Variants in CREB5 observed in about 807,000 individuals in gnomAD.
CREB5 encodes the protein cyclic AMP-responsive element-binding protein 5.
In CREB5, 19 loss-of-function variants were observed where a neutral mutation model predicts 57.1. The ratio of observed to expected loss-of-function variants is 0.33; its 90% confidence interval spans 0.23 to 0.49. CREB5 has a LOEUF of 0.49. Among genes scored for constraint, CREB5 ranks in the 20% least tolerant of loss-of-function variants. The pLI, the probability that CREB5 is intolerant of heterozygous loss-of-function variation, is 0.99. For synonymous variants in CREB5, 238 were observed against 238.3 expected, an observed-to-expected ratio of 1.00 and a Z score of 0.01; for missense variants, 579 against 671.6, an observed-to-expected ratio of 0.86 and a Z score of 1.52.
intron 1 of CREB5, among the ~76,000 whole-genome samples, chr7:28,300,954 T>C (rs1785089097): frequency 6.6e-6 from 1 of 152,126 alleles, no homozygotes. Flanking sequence ...GGGTTTGGGG[T>C]CCACCAATCT....
intron 5 of CREB5, among the ~76,000 whole-genome samples, chr7:28,649,170 C>T (rs7811703): frequency 0.16 from 24,070 of 152,172 alleles, 2,313 homozygotes; most frequent in African/African-American, 0.27. Context: ...TTCCTGGCCA[C>T]CAGCAAGATT....
At chr7:28,499,028 C>A (rs1479587073) in intron 3 of CREB5, among the ~76,000 whole-genome samples, 1 of 152,048 alleles carries the variant, frequency 6.6e-6, no homozygotes, top group Non-Finnish European at 1.5e-5. Flanking sequence ...GTTTGAAAAT[C>A]ATGATCAAAT....
chr7:28,611,942 AAGG>A (rs1422718521), intron 5 of CREB5, among the ~76,000 whole-genome samples: 70 of 152,156 alleles, frequency 4.6e-4, no homozygotes, highest in African/African-American at 1.6e-3. Context: ...AAAAGAAAAG[AAGG>A]AAAAGTAAGT....
intron 3 of CREB5, among the ~76,000 whole-genome samples, chr7:28,506,488 C>T (rs1246086831): frequency 6.6e-6 from 1 of 152,144 alleles, no homozygotes; most frequent in East Asian, 1.9e-4. Context: ...GGGAATAATA[C>T]ATGTACACAG....
chr7:28,677,244 G>A (rs565515841), intron 5 of CREB5, among the ~76,000 whole-genome samples: 28 of 152,120 alleles, frequency 1.8e-4, no homozygotes, highest in Admixed American at 1.1e-3. Flanking sequence ...GGATGACCAC[G>A]TAGAAGTGTG....
At chr7:28,460,490 G>A (rs1007395893) in intron 1 of CREB5, among the ~76,000 whole-genome samples, 8 of 152,138 alleles carry the variant, frequency 5.3e-5, no homozygotes, top group South Asian at 4.1e-4. Context: ...TTGAAGCCCA[G>A]CAGTCTGACT....
intron 5 of CREB5, among the ~76,000 whole-genome samples, chr7:28,702,600 C>G (rs1801917780): frequency 6.6e-6 from 1 of 152,206 alleles, no homozygotes; most frequent in Non-Finnish European, 1.5e-5. Context: ...CGTACATTTT[C>G]CCAATGGTGA....
intron 1 of CREB5, among the ~76,000 whole-genome samples, chr7:28,331,803 T>G (rs1785722038): frequency 6.7e-6 from 1 of 149,934 alleles, no homozygotes; most frequent in African/African-American, 2.5e-5. Context: ...CAGGCGAGAT[T>G]GTGCCATTGC....
chr7:28,770,175 A>C (rs1326038722), intron 7 of CREB5, among the ~76,000 whole-genome samples: 2 of 152,206 alleles, frequency 1.3e-5, no homozygotes, highest in African/African-American at 4.8e-5. Context: ...CCGGTGGAGA[A>C]AGGGGAGAGA....
Position 28,495,010 on chromosome 7 carries a change from A to G in CREB5, c.169+11A>G. 2 of 1,575,548 alleles carry G rather than the reference A, an allele frequency of 1.3e-6. No individual in the cohort carries two copies. Among genetic ancestry groups the G allele is most frequent in the South Asian group, 1.2e-5 (1 of 84,284 alleles). On this transcript the variant is annotated intron_variant, in intron 3 of 10. Coordinates refer to ENST00000357727, the MANE Select transcript of CREB5 (RefSeq NM_182898.4). ...ACAATATGTTATCAGGTAAGGAGCC[A>G]TCAGGAAAAGAAGCTTTGGGTGATC...
intron 1 of CREB5, among the ~76,000 whole-genome samples, chr7:28,350,128 G>A (rs1047774890): frequency 3.3e-5 from 5 of 152,204 alleles, no homozygotes; most frequent in African/African-American, 1.2e-4. Flanking sequence ...TTGTCTTTCA[G>A]AGTCAAAATG....
intron 1 of CREB5, among the ~76,000 whole-genome samples, chr7:28,429,252 C>T (rs1206119943): frequency 6.6e-6 from 1 of 152,126 alleles, no homozygotes; most frequent in Non-Finnish European, 1.5e-5. Flanking sequence ...TCTCGAACTC[C>T]TGACCTCTGG....
chr7:28,469,379 T>A (rs1442360164), intron 1 of CREB5, among the ~76,000 whole-genome samples: 2 of 152,210 alleles, frequency 1.3e-5, no homozygotes, highest in African/African-American at 2.4e-5. Context: ...GCAAAGGAAG[T>A]GCTCATTGGA....
chr7:28,449,678 T>C (rs929363200), intron 1 of CREB5, among the ~76,000 whole-genome samples: 7 of 152,230 alleles, frequency 4.6e-5, no homozygotes, highest in African/African-American at 1.7e-4. Context: ...TCGTGTTTGT[T>C]GCTTGACCAA....
intron 7 of CREB5, among the ~76,000 whole-genome samples, chr7:28,776,325 G>A (rs191736616): frequency 5.4e-5 from 7 of 129,676 alleles, no homozygotes; most frequent in South Asian, 2.7e-4. Flanking sequence ...GCGACAGAGC[G>A]AGACTCTGTC....
chr7:28,597,848 A>G (rs1186899042), intron 5 of CREB5, among the ~76,000 whole-genome samples: 1 of 152,210 alleles, frequency 6.6e-6, no homozygotes, highest in Non-Finnish European at 1.5e-5. Flanking sequence ...AACATTTGTC[A>G]TCAGACCTTT....
chr7:28,511,870 C>T (rs899032123), intron 4 of CREB5, among the ~76,000 whole-genome samples: 3 of 152,140 alleles, frequency 2.0e-5, no homozygotes, highest in Non-Finnish European at 2.9e-5. Context: ...AGCAAACTAT[C>T]GAAGAGCAGT....
At chr7:28,524,002 G>A (rs1042821951) in intron 4 of CREB5, among the ~76,000 whole-genome samples, 10 of 152,144 alleles carry the variant, frequency 6.6e-5, no homozygotes, top group Admixed American at 6.5e-5. Context: ...TGCCTTACAC[G>A]TGGAAGGAGC....
intron 1 of CREB5, among the ~76,000 whole-genome samples, chr7:28,317,415 C>G (rs1217523211): frequency 6.6e-6 from 1 of 152,204 alleles, no homozygotes; most frequent in East Asian, 1.9e-4. Context: ...GTTCAAAACA[C>G]ACTTTGAGTG....
Sources: gnomAD v4.1 joint callset for allele counts (sites outside exome capture counted in the v4.1 genomes callset) on GRCh38, gnomAD v4.1.1 for gene constraint, MANE v1.5 for transcripts, NCBI Gene and HGNC (gene_info 2026-07-23, HGNC 2026-07-21) for gene names.